PCDHA8: variants seen among roughly 807,000 people sequenced by gnomAD.
PCDHA8 encodes protocadherin alpha 8.
In PCDHA8, 53 loss-of-function variants were observed where a neutral mutation model predicts 61.8. The observed-to-expected ratio is 0.86, with a 90% CI of 0.69 to 1.08. The LOEUF (loss-of-function observed/expected upper bound fraction) is 1.08. Among genes scored for constraint, PCDHA8 ranks in the 50% least tolerant of loss-of-function variants. The probability of loss-of-function intolerance (pLI) is 0.00; values close to 1 mark genes in which losing one functional copy is unlikely to be tolerated. For missense variants in PCDHA8, 1,293 were observed against 1,245.0 expected, an observed-to-expected ratio of 1.04 and a Z score of -0.58; for synonymous variants, 618 against 556.6, an observed-to-expected ratio of 1.11 and a Z score of -1.55.
chr5:141,002,612 CA>C, intron 3 of PCDHA8, among the ~76,000 whole-genome samples: 1 of 152,178 alleles, frequency 6.6e-6, no homozygotes, highest in Non-Finnish European at 1.5e-5. Flanking sequence ...AAAACAGACA[CA>C]TAACACAGAC....
intron 1 of PCDHA8, among the ~76,000 whole-genome samples, chr5:140,953,053 T>G (rs1475683860): frequency 2.0e-5 from 3 of 152,142 alleles, no homozygotes; most frequent in African/African-American, 7.2e-5. Flanking sequence ...TCCAATCACC[T>G]CTCACAGGCC....
chr5:140,961,155 G>C (rs1214072320), intron 1 of PCDHA8, among the ~76,000 whole-genome samples: 3 of 152,126 alleles, frequency 2.0e-5, no homozygotes, highest in Non-Finnish European at 4.4e-5. Context: ...TATTATTTCA[G>C]TACATATCTA....
chr5:140,950,040 C>A (rs1053592525), intron 1 of PCDHA8, among the ~76,000 whole-genome samples: 2 of 151,718 alleles, frequency 1.3e-5, no homozygotes, highest in Non-Finnish European at 3.0e-5. Flanking sequence ...AAGTTACAAC[C>A]ATATAAGACT....
At chr5:140,850,835 T>C in intron 1 of PCDHA8, 5 of 1,597,984 alleles carry the variant, frequency 3.1e-6, no homozygotes, top group Non-Finnish European at 4.3e-6. Flanking sequence ...CTCCTTGTGC[T>C]GGATCTACAG....
chr5:140,876,120 T>C (rs782687154), intron 1 of PCDHA8: 15 of 1,613,844 alleles, frequency 9.3e-6, no homozygotes, highest in East Asian at 6.7e-5. Context: ...TGGTAATCGA[T>C]GGCGGTAAAC....
In PCDHA8 at chr5:140,856,890, G is replaced by A. The variant is rs782469336; in HGVS notation, c.2394+13175G>A. On this transcript the variant is annotated intron_variant, in intron 1 of 3. Transcript: ENST00000531613. ...AACAAGGAAATGATGTATTCATTTA[G>A]CTCTTTGGTCCCACCCACGATAAGA... 2.1e-5 allele frequency: 34 copies of A among 1,596,056 alleles called. 3 individuals carry two copies. The highest frequency in any genetic ancestry group is 2.9e-5 in the Non-Finnish European group (34 of 1,165,980).
At chr5:140,883,615 C>T (rs1554178913) in intron 1 of PCDHA8, 6 of 1,613,938 alleles carry the variant, frequency 3.7e-6, no homozygotes, top group African/African-American at 1.3e-5. Context: ...CCGACGTGAA[C>T]GACAACGCGC....
At chr5:140,972,854 G>C (rs895738831) in intron 1 of PCDHA8, among the ~76,000 whole-genome samples, 1 of 151,946 alleles carries the variant, frequency 6.6e-6, no homozygotes, top group African/African-American at 2.4e-5. Context: ...AGTAGAGATG[G>C]GGTTTCATCA....
At chr5:140,994,939 C>T (rs1210134523) in intron 3 of PCDHA8, among the ~76,000 whole-genome samples, 5 of 152,160 alleles carry the variant, frequency 3.3e-5, no homozygotes, top group Non-Finnish European at 7.3e-5. Context: ...CTTAAACATC[C>T]TGCTAAATAA....
At chr5:140,857,602 G>A in intron 1 of PCDHA8, 2 of 1,596,382 alleles carry the variant, frequency 1.3e-6, no homozygotes, top group Non-Finnish European at 8.6e-7. Context: ...AGGTGTACGC[G>A]CTGCAGCCGC....
intron 1 of PCDHA8, among the ~76,000 whole-genome samples, chr5:140,898,629 C>T (rs2066883647): frequency 1.3e-5 from 2 of 152,194 alleles, no homozygotes; most frequent in Admixed American, 1.3e-4. Context: ...AGCATAATGC[C>T]TCCAGCTTTG....
intron 2 of PCDHA8, among the ~76,000 whole-genome samples, chr5:140,980,822 T>A (rs1433488208): frequency 6.6e-6 from 1 of 152,204 alleles, no homozygotes; most frequent in Non-Finnish European, 1.5e-5. Flanking sequence ...ACATATTAAA[T>A]GAGTTGTGAA....
Position 140,986,801 on chromosome 5 carries a change from T to C in PCDHA8, c.2542+4238T>C, listed in dbSNP as rs1381514203. ...CGGAAGCCACTAAGGCAGTGAGTCT[T>C]AGTTAGAGAACTTTGGTTTAGACAA... On this transcript the variant is annotated intron_variant, in intron 3 of 3. Coordinates refer to ENST00000531613, the MANE Select transcript of PCDHA8 (RefSeq NM_018911.3). 2.0e-5 allele frequency among the ~76,000 whole-genome samples: 3 copies of C among 152,144 alleles called. No homozygotes were observed. The East Asian group carries it at 5.8e-4, about 29-fold the overall frequency.
At chr5:140,875,580 C>G (rs1381718234) in intron 1 of PCDHA8, 7 of 1,613,958 alleles carry the variant, frequency 4.3e-6, no homozygotes, top group Admixed American at 1.7e-5. Context: ...ACTCCGTCTA[C>G]GAGGAGGCCA....
Position 140,884,123 on chromosome 5 carries a change from C to T in PCDHA8, c.2394+40408C>T, listed in dbSNP as rs1360744073. 2.5e-6 allele frequency: 4 copies of T among 1,613,230 alleles called. No homozygotes were observed. The African/African-American group carries it at 4.0e-5, about 16-fold the overall frequency. ...ATTGCAGCTGGCGGCGGTCGGCGCGCGCATCCCGTTCCGCGTGGGGCTGTA... is the reference window on the plus strand; with the variant it reads ...ATTGCAGCTGGCGGCGGTCGGCGCGTGCATCCCGTTCCGCGTGGGGCTGTA... On this transcript the variant is annotated intron_variant, in intron 1 of 3. Coordinates refer to ENST00000531613, the MANE Select transcript of PCDHA8 (RefSeq NM_018911.3).
chr5:140,914,185 C>G (rs1183431482), intron 1 of PCDHA8, among the ~76,000 whole-genome samples: 1 of 152,130 alleles, frequency 6.6e-6, no homozygotes, highest in Non-Finnish European at 1.5e-5. Flanking sequence ...AATTCTCCAC[C>G]TATTATTGTA....
intron 1 of PCDHA8, chr5:140,849,712 C>G (rs782768269): frequency 6.3e-7 from 1 of 1,598,502 alleles, no homozygotes; most frequent in Non-Finnish European, 8.6e-7. Context: ...AATTACTACT[C>G]GTTGGTGCTG....
chr5:140,959,795 T>G (rs2095511248), intron 1 of PCDHA8, among the ~76,000 whole-genome samples: 1 of 152,180 alleles, frequency 6.6e-6, no homozygotes, highest in Non-Finnish European at 1.5e-5. Flanking sequence ...CATGGCTAAT[T>G]TAGAGGATTT....
chr5:140,858,147 T>C, intron 1 of PCDHA8: 1 of 1,597,630 alleles, frequency 6.3e-7, no homozygotes, highest in Non-Finnish European at 8.6e-7. Flanking sequence ...TACCTGATCA[T>C]CGCCATCTGC....
Sources: gnomAD v4.1 joint callset for allele counts (sites outside exome capture counted in the v4.1 genomes callset) on GRCh38, gnomAD v4.1.1 for gene constraint, MANE v1.5 for transcripts, NCBI Gene and HGNC (gene_info 2026-07-23, HGNC 2026-07-21) for gene names.